SLC9A7: variants seen among roughly 807,000 people sequenced by gnomAD.
SLC9A7 encodes the protein solute carrier family 9 member A7.
SLC9A7 carries 19 observed loss-of-function variants against 52.6 expected under a neutral mutation model. The ratio of observed to expected loss-of-function variants is 0.36; its 90% CI spans 0.25 to 0.53. The LOEUF (loss-of-function observed/expected upper bound fraction) is 0.53, where lower values mean the gene tolerates loss of function less well. SLC9A7 is among the 20% of genes least tolerant of loss of function. The pLI is 0.91. For synonymous variants in SLC9A7, 226 were observed against 252.1 expected (o/e 0.90, Z 0.98); for missense variants, 455 against 597.9 (o/e 0.76, Z 2.49).
In SLC9A7 at chrX:46,646,738, C is replaced by T. The variant is rs775765577; in HGVS notation, c.1462+1948G>A. The stretch of plus-strand genomic sequence containing the variant: ...CGAGAATAGCAGTCAGCAGGTTCTG[C>T]TCTGCAGAGAGACCCTCCAGATGCT... On this transcript the variant is annotated intron_variant, in intron 11 of 16. Coordinates refer to ENST00000616978, the MANE Select transcript of SLC9A7 (RefSeq NM_001257291.2). The T allele has an allele frequency of 9.7e-5, 30 of 308,157 alleles. 1 individual carries two copies. In the South Asian group the frequency reaches 1.1e-3, roughly 11 times the overall value. The allele number at this position is 308,157 out of a possible 1,213,427, so 25.4% of individuals were successfully genotyped here.
chrX:46,620,586 G>A (rs755906934), intron 15 of SLC9A7, among the ~76,000 whole-genome samples: 15 of 111,521 alleles, frequency 1.3e-4, no homozygotes, highest in African/African-American at 2.0e-4. Flanking sequence ...AGACTTGGCC[G>A]AGTTCATCCA....
intron 1 of SLC9A7, among the ~76,000 whole-genome samples, chrX:46,688,717 G>A (rs1038858146): frequency 9.1e-6 from 1 of 110,273 alleles, no homozygotes; most frequent in African/African-American, 3.3e-5. Context: ...GTTTTAATGT[G>A]CATTTCCCTA....
intron 3 of SLC9A7, among the ~76,000 whole-genome samples, chrX:46,673,034 A>C (rs914573443): frequency 3.6e-5 from 4 of 112,085 alleles, no homozygotes. Flanking sequence ...TCACAGATAG[A>C]AGTTTAAAAC....
chrX:46,721,192 A>G (rs1448306860), intron 1 of SLC9A7, among the ~76,000 whole-genome samples: 1 of 112,328 alleles, frequency 8.9e-6, no homozygotes, highest in Admixed American at 9.5e-5. Flanking sequence ...TTCTTAATAA[A>G]GTTTAATAGT....
chrX:46,746,677 C>T (rs1921805792), intron 1 of SLC9A7, among the ~76,000 whole-genome samples: 1 of 112,259 alleles, frequency 8.9e-6, no homozygotes, highest in Non-Finnish European at 1.9e-5. Flanking sequence ...GGGGAACCCT[C>T]ATACACAGTT....
chrX:46,655,008 G>A (rs774177212), intron 7 of SLC9A7, among the ~76,000 whole-genome samples: 11 of 77,668 alleles, frequency 1.4e-4, no homozygotes, highest in East Asian at 3.7e-4. Context: ...TTTTTGAGAC[G>A]GCATTTCGCT....
At chrX:46,725,790 G>A in intron 1 of SLC9A7, 2 of 810,145 alleles carry the variant, frequency 2.5e-6, no homozygotes, top group Non-Finnish European at 3.7e-6. Context: ...TGGAGCCTTG[G>A]GTTTCACTTT....
chrX:46,725,121 T>C, intron 1 of SLC9A7: 1 of 603,670 alleles, frequency 1.7e-6, no homozygotes, highest in Non-Finnish European at 2.9e-6. Context: ...TCCCATAATA[T>C]GTGTTTGTTT....
rs1176299803 is a variant in SLC9A7, at chrX:46,748,360, AAAGAAAGGAAGGAAGG to A, written c.325+10329_325+10344del. Among the ~76,000 whole-genome samples the A allele has an allele frequency of 5.1e-3, 254 of 49,344 alleles. 1 individual carries two copies. Among genetic ancestry groups the A allele is most frequent in the African/African-American group, 0.011 (148 of 13,293 alleles). 42.8% of individuals were successfully genotyped at this position (49,344 alleles called of 115,157 possible). ...AAACTCTGTCAAAAAAAAAAAAAAG[AAAGAAAGGAAGGAAGG>A]AAGGAAGGAAGGAAGGAAGGAAGGA... On this transcript the variant is annotated intron_variant, in intron 1 of 16. Transcript: ENST00000616978.
chrX:46,740,333 G>A (rs1041682516), intron 1 of SLC9A7, among the ~76,000 whole-genome samples: 9 of 111,317 alleles, frequency 8.1e-5, no homozygotes, highest in South Asian at 3.8e-4. Flanking sequence ...GCCCACTTTC[G>A]CCATTCCTAT....
intron 7 of SLC9A7, among the ~76,000 whole-genome samples, chrX:46,655,822 T>C (rs1453076139): frequency 1.2e-4 from 13 of 112,105 alleles, no homozygotes; most frequent in Admixed American, 1.9e-4. Flanking sequence ...CCCAGGCTTG[T>C]TTAGGTAAAC....
intron 12 of SLC9A7, among the ~76,000 whole-genome samples, chrX:46,641,895 T>G (rs781227734): frequency 8.9e-6 from 1 of 112,313 alleles, no homozygotes; most frequent in Admixed American, 9.4e-5. Context: ...AAGAATGTTA[T>G]GAGAATTATC....
intron 1 of SLC9A7, among the ~76,000 whole-genome samples, chrX:46,750,064 G>C (rs1045701295): frequency 9.1e-6 from 1 of 109,523 alleles, no homozygotes; most frequent in Non-Finnish European, 1.9e-5. Flanking sequence ...CTGGGGGACA[G>C]AGCAAGACTC....
chrX:46,676,320 A>G (rs1944118779), intron 3 of SLC9A7, among the ~76,000 whole-genome samples: 1 of 111,770 alleles, frequency 8.9e-6, no homozygotes, highest in Non-Finnish European at 1.9e-5. Context: ...CCGCTGCAGA[A>G]TTCATTGCTT....
intron 7 of SLC9A7, among the ~76,000 whole-genome samples, chrX:46,657,327 T>C (rs1162602737): frequency 2.8e-5 from 3 of 106,170 alleles, no homozygotes; most frequent in African/African-American, 1.0e-4. Flanking sequence ...ATGAGCAAAA[T>C]AACCAGCTAA....
At chrX:46,746,839 T>G (rs1307047165) in intron 1 of SLC9A7, among the ~76,000 whole-genome samples, 1 of 112,404 alleles carries the variant, frequency 8.9e-6, no homozygotes, top group Non-Finnish European at 1.9e-5. Context: ...ACATGTGCAC[T>G]CCTGTGTTTG....
chrX:46,628,253 T>C (rs1943166803), intron 14 of SLC9A7, among the ~76,000 whole-genome samples: 1 of 112,654 alleles, frequency 8.9e-6, no homozygotes, highest in African/African-American at 3.2e-5. Flanking sequence ...AGCTGTCTGG[T>C]CTGGCATGAA....
intron 1 of SLC9A7, among the ~76,000 whole-genome samples, chrX:46,746,606 G>A (rs1196270917): frequency 8.9e-6 from 1 of 112,264 alleles, no homozygotes; most frequent in Non-Finnish European, 1.9e-5. Context: ...TCTCACCCCA[G>A]TTAAAACGGC....
At chrX:46,675,045 AAGAG>A (rs1277212331) in intron 3 of SLC9A7, among the ~76,000 whole-genome samples, 25 of 64,837 alleles carry the variant, frequency 3.9e-4, no homozygotes, top group Admixed American at 3.1e-3. Context: ...GAGAGAGAGA[AAGAG>A]AGAGAGAGTG....
Sources: allele counts gnomAD v4.1 joint callset (sites outside exome capture counted in the v4.1 genomes callset), GRCh38; gene constraint gnomAD v4.1.1; transcripts MANE v1.5; gene names NCBI Gene and HGNC (gene_info 2026-07-23, HGNC 2026-07-21).